NSMCE2: variants seen among roughly 807,000 people sequenced by gnomAD.
The protein encoded by NSMCE2 is NSE2 SUMO ligase component of SMC5/6 complex, also known as E3 SUMO-protein ligase NSE2.
In NSMCE2, 24 loss-of-function variants were observed where a neutral mutation model predicts 23.8. That is an observed-to-expected ratio of 1.01 (90% CI 0.73 to 1.42). The LOEUF (loss-of-function observed/expected upper bound fraction) is 1.42. Among genes scored for constraint, NSMCE2 ranks in the 40% most tolerant of loss-of-function variants. The pLI, the probability that NSMCE2 is intolerant of heterozygous loss-of-function variation, is 0.00. For synonymous variants in NSMCE2, 92 were observed against 94.1 expected (o/e 0.98, Z 0.13); for missense variants, 284 against 296.5 (o/e 0.96, Z 0.31).
intron 5 of NSMCE2, among the ~76,000 whole-genome samples, chr8:125,273,784 T>G (rs1161308575): frequency 6.6e-6 from 1 of 152,194 alleles, no homozygotes; most frequent in Non-Finnish European, 1.5e-5. Context: ...TATTGCAGAT[T>G]GGGGTCAACA....
At chr8:125,238,989 A>C (rs1825662959) in intron 5 of NSMCE2, among the ~76,000 whole-genome samples, 2 of 152,242 alleles carry the variant, frequency 1.3e-5, no homozygotes, top group South Asian at 4.1e-4. Flanking sequence ...AAATAATTAC[A>C]GCCCATTCCT....
chr8:125,096,191 G>A (rs142810419), intron 1 of NSMCE2, among the ~76,000 whole-genome samples: 89 of 152,316 alleles, frequency 5.8e-4, no homozygotes, highest in African/African-American at 2.1e-3. Context: ...GCTTTTTGCA[G>A]ATTAGGCCTG....
At chr8:125,174,003 TAAC>T (rs1822352190) in intron 4 of NSMCE2, among the ~76,000 whole-genome samples, 1 of 152,192 alleles carries the variant, frequency 6.6e-6, no homozygotes, top group Non-Finnish European at 1.5e-5. Context: ...AAAGTGTTGT[TAAC>T]AACAATACTG....
chr8:125,227,424 C>G (rs1212900407), intron 5 of NSMCE2, among the ~76,000 whole-genome samples: 1 of 152,184 alleles, frequency 6.6e-6, no homozygotes, highest in Non-Finnish European at 1.5e-5. Context: ...GCCTTCCCCT[C>G]CAGAGCCACT....
intron 5 of NSMCE2, among the ~76,000 whole-genome samples, chr8:125,294,763 A>T (rs1828257305): frequency 6.6e-6 from 1 of 152,184 alleles, no homozygotes; most frequent in South Asian, 2.1e-4. Context: ...CATCTGGGAA[A>T]TTTGTTTTGC....
chr8:125,301,718 A>G (rs1176640438), intron 5 of NSMCE2, among the ~76,000 whole-genome samples: 2 of 149,278 alleles, frequency 1.3e-5, no homozygotes, highest in African/African-American at 5.0e-5. Context: ...GCTGGAGTGC[A>G]ATGGCACAGT....
chr8:125,328,167 T>A (rs1227732501), intron 5 of NSMCE2, among the ~76,000 whole-genome samples: 1 of 143,594 alleles, frequency 7.0e-6, no homozygotes, highest in Non-Finnish European at 1.6e-5. Flanking sequence ...TTTTTTTTTT[T>A]AACAGATTCT....
intron 5 of NSMCE2, among the ~76,000 whole-genome samples, chr8:125,267,660 C>T (rs1369033759): frequency 6.6e-6 from 1 of 152,120 alleles, no homozygotes; most frequent in African/African-American, 2.4e-5. Context: ...CCTGTAGTCC[C>T]AGCTACTTGA....
chr8:125,107,019 C>A (rs1334160457), intron 3 of NSMCE2, among the ~76,000 whole-genome samples: 1 of 151,366 alleles, frequency 6.6e-6, no homozygotes, highest in African/African-American at 2.4e-5. Flanking sequence ...CAAAAAAAAA[C>A]TTTCATTTTA....
chr8:125,342,259 C>T (rs1830280312), intron 5 of NSMCE2, among the ~76,000 whole-genome samples: 1 of 152,192 alleles, frequency 6.6e-6, no homozygotes. Flanking sequence ...CCTCTTGACA[C>T]CTTTGGGTGT....
At chr8:125,261,626 A>G (rs1586685894) in intron 5 of NSMCE2, among the ~76,000 whole-genome samples, 1 of 152,112 alleles carries the variant, frequency 6.6e-6, no homozygotes, top group South Asian at 2.1e-4. Flanking sequence ...ACCATTACAC[A>G]TTTTTACAGA....
At chr8:125,297,035 GT>G (rs1437213889) in intron 5 of NSMCE2, among the ~76,000 whole-genome samples, 3 of 152,116 alleles carry the variant, frequency 2.0e-5, no homozygotes, top group African/African-American at 7.2e-5. Flanking sequence ...GTTATTCTTA[GT>G]CACTTATTCA....
intron 7 of NSMCE2, 61 bp from the exon 8 acceptor site, chr8:125,366,707 A>G: frequency 4.3e-6 from 4 of 930,056 alleles, no homozygotes; most frequent in South Asian, 4.1e-5. Flanking sequence ...ACTTGAGTAT[A>G]AAAGAAGTTT....
chr8:125,348,273 G>A (rs570547398), intron 5 of NSMCE2: 1 of 152,132 alleles, frequency 6.6e-6, no homozygotes, highest in Non-Finnish European at 1.5e-5. Flanking sequence ...GATCCTTATT[G>A]TGTTCTAGCC....
chr8:125,185,908 A>G (rs1013015512), intron 5 of NSMCE2, among the ~76,000 whole-genome samples: 3 of 152,164 alleles, frequency 2.0e-5, no homozygotes, highest in African/African-American at 7.2e-5. Context: ...CATTTGGTCT[A>G]TTTTGTTGAC....
At chr8:125,204,418 T>A (rs903351500) in intron 5 of NSMCE2, among the ~76,000 whole-genome samples, 1 of 152,180 alleles carries the variant, frequency 6.6e-6, no homozygotes, top group African/African-American at 2.4e-5. Flanking sequence ...GTGACTTCAC[T>A]TCAGTTGCCT....
At chr8:125,356,029 A>G (rs1198647840) in intron 5 of NSMCE2, among the ~76,000 whole-genome samples, 1 of 152,130 alleles carries the variant, frequency 6.6e-6, no homozygotes, top group Non-Finnish European at 1.5e-5. Flanking sequence ...TGTCTTTATA[A>G]TAATAGTATG....
At chr8:125,215,650 G>C (rs1224537363) in intron 5 of NSMCE2, among the ~76,000 whole-genome samples, 1 of 152,134 alleles carries the variant, frequency 6.6e-6, no homozygotes, top group East Asian at 1.9e-4. Flanking sequence ...TTTTCTTCTA[G>C]GGTTTTTATG....
At chr8:125,095,407 AG>A (rs530418825) in intron 1 of NSMCE2, among the ~76,000 whole-genome samples, 1 of 152,004 alleles carries the variant, frequency 6.6e-6, no homozygotes, top group East Asian at 2.0e-4. Flanking sequence ...TGGGCAACAC[AG>A]GGAGATGGTC....
Sources: gnomAD v4.1 joint callset for allele counts (sites outside exome capture counted in the v4.1 genomes callset) on GRCh38, gnomAD v4.1.1 for gene constraint, MANE v1.5 for transcripts, NCBI Gene and HGNC (gene_info 2026-07-23, HGNC 2026-07-21) for gene names.